TRMU: variants seen among roughly 807,000 people sequenced by gnomAD.
TRMU encodes mitochondrial tRNA-specific 2-thiouridylase 1.
Under a neutral mutation model 46.9 loss-of-function variants are expected in TRMU, and 49 were observed. The observed-to-expected ratio is 1.05, with a 90% CI of 0.83 to 1.33. TRMU has a LOEUF of 1.33. TRMU is among the 40% of genes most tolerant of loss of function. The pLI, the probability that TRMU is intolerant of heterozygous loss-of-function variation, is 0.00. For synonymous variants in TRMU, 241 were observed against 200.9 expected, an observed-to-expected ratio of 1.20 and a Z score of -1.69; for missense variants, 572 against 532.4, an observed-to-expected ratio of 1.07 and a Z score of -0.73.
In TRMU at chr22:46,335,811, A is replaced by G; in HGVS notation, c.47A>G (p.Asp16Gly). ...GTGTGCGCCCTGTCCGGCGGCGTGG[A>G]CAGCGCCGTGGCCGCGCTGCTGCTG... ...HVVCALSGGV[D>G]SAVAALLLRR... Residue 16 changes from aspartate to glycine, a missense_variant, in exon 1 of 11, where the codon GAC (aspartate) becomes GGC (glycine). Transcript: ENST00000645190. 2 of 1,559,896 alleles carry G rather than the reference A, an allele frequency of 1.3e-6. No individual in the cohort carries two copies. The highest frequency in any genetic ancestry group is 2.4e-5 in the East Asian group (1 of 41,986).
At position 46,353,790 on chromosome 22, in the gene TRMU, C is replaced by CAGAGAGCAAACATAGGTGGCCTG; in HGVS notation, c.804_826dup (p.Pro276GlnfsTer3). 1 of 1,613,940 alleles carries CAGAGAGCAAACATAGGTGGCCTG rather than the reference C, an allele frequency of 6.2e-7. No individual in the cohort carries two copies. The highest frequency in any genetic ancestry group is 8.5e-7 in the Non-Finnish European group (1 of 1,179,890). Reference sequence around the variant, plus strand: ...AGGTTGGTTCCTGTATACCTTGGGCCAGAGAGCAAACATAGGTGGCCTGAG... The same window carrying CAGAGAGCAAACATAGGTGGCCTG: ...AGGTTGGTTCCTGTATACCTTGGGCCAGAGAGCAAACATAGGTGGCCTGAGAGAGCAAACATAGGTGGCCTGAG... On this transcript the variant is annotated frameshift_variant, in exon 8 of 11. Transcript: ENST00000645190. LOFTEE classifies it high-confidence loss of function.
At position 46,336,121 on chromosome 22, in the gene TRMU, G is replaced by A. The variant is rs2077969488; in HGVS notation, c.82+275G>A. 5 of 1,352,764 alleles carry A rather than the reference G, an allele frequency of 3.7e-6. No homozygotes were observed. Among genetic ancestry groups the A allele is most frequent in the Non-Finnish European group, 4.7e-6 (5 of 1,053,948 alleles). The allele number at this position is 1,352,764 out of a possible 1,614,324, so 83.8% of individuals were successfully genotyped here. On this transcript the variant is annotated intron_variant, in intron 1 of 10. Transcript: ENST00000645190. The surrounding 1 kb of genome is among the most constrained non-coding windows in gnomAD (Gnocchi z 4.1). ...GCCCACCCACAGTGAGAAGCCGGCG[G>A]GCCGGGGTGGGGTGGGGAGGGAAGG...
chr22:46,343,437 T>C (rs1030574180), intron 3 of TRMU, 69 bp downstream of exon 3: 11 of 1,192,374 alleles, frequency 9.2e-6, no homozygotes, highest in Non-Finnish European at 1.3e-5. Context: ...CCAGGCTGGA[T>C]TGCAGTGGTG....
Position 46,348,967 on chromosome 22 carries a change from T to C in TRMU, c.479-1324T>C, listed in dbSNP as rs1168205760. On this transcript the variant is annotated intron_variant, in intron 4 of 10. Transcript: ENST00000645190. The surrounding 1 kb of genome is among the most constrained non-coding windows in gnomAD (Gnocchi z 4.8). ...GGCCAACATGGTGAAACCCCATCTCTACTACAAATACAAAAAAAAAAGTTA... is the reference window on the plus strand; with the variant it reads ...GGCCAACATGGTGAAACCCCATCTCCACTACAAATACAAAAAAAAAAGTTA... Among the ~76,000 whole-genome samples, 1 of 151,762 alleles carries C rather than the reference T, an allele frequency of 6.6e-6. No individual in the cohort carries two copies. The highest frequency in any genetic ancestry group is 2.4e-5 in the African/African-American group (1 of 41,286).
chr22:46,335,794 C>T lies in TRMU; in HGVS notation c.30C>T (p.Ala10=), dbSNP rs776692221. 1.2e-4 allele frequency: 185 copies of T among 1,562,306 alleles called. No individual in the cohort carries two copies. The highest frequency in any genetic ancestry group is 1.5e-4 in the Non-Finnish European group (174 of 1,158,972). The change falls in exon 1 of 11, where the codon GCC becomes GCT. Residue 10 remains alanine (A), a synonymous_variant. Coordinates refer to ENST00000645190, the MANE Select transcript of TRMU (RefSeq NM_018006.5). MQALRHVVC[A]LSGGVDSAVA... is the part of the protein sequence containing the mutation. The stretch of plus-strand genomic sequence containing the variant: ...AGGCCTTGCGGCACGTCGTGTGCGC[C>T]CTGTCCGGCGGCGTGGACAGCGCCG...
At position 46,349,756 on chromosome 22, in the gene TRMU, GTTTT is replaced by G. The variant is rs886602199; in HGVS notation, c.479-533_479-530del. Reference sequence around the variant, plus strand: ...CAGCTGAGACTCTCAACAAAAAAACGTTTTTACCAAGAAAGCTAATGCCTTCACA... The same window carrying G: ...CAGCTGAGACTCTCAACAAAAAAACGTACCAAGAAAGCTAATGCCTTCACA... On this transcript the variant is annotated intron_variant, in intron 4 of 10. Transcript: ENST00000645190. This position sits in a 1 kb window ranked among gnomAD's most constrained non-coding sequence, Gnocchi z 4.6. 2.0e-5 allele frequency among the ~76,000 whole-genome samples: 3 copies of G among 152,158 alleles called. No individual in the cohort carries two copies. The highest frequency in any genetic ancestry group is 1.3e-4 in the Admixed American group (2 of 15,280).
At chr22:46,354,153 G>C (rs962202281) in intron 8 of TRMU, 2 of 377,208 alleles carry the variant, frequency 5.3e-6, no homozygotes, top group Admixed American at 3.7e-5. Flanking sequence ...GCGACGCCCA[G>C]AGCTTGGGTG....
intron 9 of TRMU, 195 bp downstream of exon 9, chr22:46,355,783 C>T (rs2078585511): frequency 9.2e-7 from 1 of 1,081,958 alleles, no homozygotes; most frequent in Non-Finnish European, 1.4e-6. Flanking sequence ...GGAGCAGATG[C>T]AGGCAGGCCC....
In TRMU at chr22:46,347,197, C is replaced by T. The variant is rs1022394220; in HGVS notation, c.478+653C>T. On this transcript the variant is annotated intron_variant, in intron 4 of 10. Coordinates refer to ENST00000645190, the MANE Select transcript of TRMU (RefSeq NM_018006.5). This position sits in a 1 kb window ranked among gnomAD's most constrained non-coding sequence, Gnocchi z 5.0. ...CTCAGAGCCGTGTTTCCGCACGGAGCGTCCGTCCATCAGTGGGGACCCCTG... is the reference window on the plus strand; with the variant it reads ...CTCAGAGCCGTGTTTCCGCACGGAGTGTCCGTCCATCAGTGGGGACCCCTG... Among the ~76,000 whole-genome samples the T allele has an allele frequency of 2.0e-4, 30 of 151,982 alleles. No homozygotes were observed. The South Asian group carries it at 2.1e-3, about 11-fold the overall frequency.
chr22:46,343,172 A>G, intron 2 of TRMU, 90 bp from the exon 3 acceptor site: 1 of 880,806 alleles, frequency 1.1e-6, no homozygotes, highest in South Asian at 1.5e-5. Flanking sequence ...ACAAGGGGAA[A>G]TTACATTAAA....
intron 5 of TRMU, 109 bp from the exon 6 acceptor site, chr22:46,352,012 A>G: frequency 1.6e-6 from 2 of 1,279,380 alleles, no homozygotes; most frequent in African/African-American, 1.5e-5. Context: ...CCCTGGAAGC[A>G]AAGTGTGGGG....
In TRMU at chr22:46,351,490, T is replaced by C. The variant is rs2078422876; in HGVS notation, c.652-631T>C. ...TCCTGGTAATGGAAACGGCCATACC[T>C]TTCATCAGAGCCATCTTCCCTGAAG... On this transcript the variant is annotated intron_variant, in intron 5 of 10. Coordinates refer to ENST00000645190, the MANE Select transcript of TRMU (RefSeq NM_018006.5). This position sits in a 1 kb window ranked among gnomAD's most constrained non-coding sequence, Gnocchi z 6.4. Among the ~76,000 whole-genome samples the C allele has an allele frequency of 6.6e-6, 1 of 152,132 alleles. No individual in the cohort carries two copies. Among genetic ancestry groups the C allele is most frequent in the Admixed American group, 6.5e-5 (1 of 15,278 alleles).
chr22:46,345,157 A>G (rs1046338069), intron 3 of TRMU, among the ~76,000 whole-genome samples: 4 of 149,380 alleles, frequency 2.7e-5, no homozygotes, highest in African/African-American at 7.4e-5. Context: ...TGCAACCTCC[A>G]CCTCCTGAGT....
In TRMU at chr22:46,350,510, G is replaced by A. The variant is rs115364293; in HGVS notation, c.651+47G>A. The A allele has an allele frequency of 2.5e-3, 4,028 of 1,608,958 alleles. 86 individuals carry two copies. In the African/African-American group the frequency reaches 0.047, roughly 19 times the overall value. Reference sequence around the variant, plus strand: ...TGATTAGTGCCTGTTTCCCTTTCCCGACTGCATGGCACGGAGCAGCTGGAC... The same window carrying A: ...TGATTAGTGCCTGTTTCCCTTTCCCAACTGCATGGCACGGAGCAGCTGGAC... On this transcript the variant is annotated intron_variant, in intron 5 of 10. Coordinates refer to ENST00000645190, the MANE Select transcript of TRMU (RefSeq NM_018006.5). This position sits in a 1 kb window ranked among gnomAD's most constrained non-coding sequence, Gnocchi z 4.6.
At position 46,346,476 on chromosome 22, in the gene TRMU, A is replaced by G. The variant is rs150810911; in HGVS notation, c.410A>G (p.Glu137Gly). Residue 137 changes from glutamate to glycine, a missense_variant, in exon 4 of 11, where the codon GAA becomes GGA. Coordinates refer to ENST00000645190, the MANE Select transcript of TRMU (RefSeq NM_018006.5). ...GCAAGAACTTCCCTGGAAGATGAAG[A>G]AGTCTTTGAGCAGAAGCACGTTAAG... ...HYARTSLEDEEVFEQKHVKKP... is the reference protein window; with the variant it reads ...HYARTSLEDEGVFEQKHVKKP... The G allele has an allele frequency of 8.7e-6, 14 of 1,613,756 alleles. No individual in the cohort carries two copies. The highest frequency in any genetic ancestry group is 8.5e-6 in the Non-Finnish European group (10 of 1,179,712).
rs1398091034 is a variant in TRMU at position 46,343,135 on chromosome 22, T to G, written c.249-127T>G. 5 of 721,896 alleles carry G rather than the reference T, an allele frequency of 6.9e-6. No individual in the cohort carries two copies. The African/African-American group carries it at 7.2e-5, about 10-fold the overall frequency. 44.7% of individuals were successfully genotyped at this position (721,896 alleles called of 1,614,324 possible). A position where few individuals can be genotyped will look rare whatever the true frequency, so the allele number is the denominator to read the frequency against. On this transcript the variant is annotated intron_variant, in intron 2 of 10. Coordinates refer to ENST00000645190, the MANE Select transcript of TRMU (RefSeq NM_018006.5). ...TGTTCGATGACTGACGTTCTCCTGT[T>G]TTGCAGAAAATTATAGTTTTGGTAT...
rs879199415 is a variant in TRMU at position 46,350,096 on chromosome 22, GTT to G, written c.479-185_479-184del. On this transcript the variant is annotated intron_variant, in intron 4 of 10. Coordinates refer to ENST00000645190, the MANE Select transcript of TRMU (RefSeq NM_018006.5). The surrounding 1 kb of genome is among the most constrained non-coding windows in gnomAD (Gnocchi z 4.6). ...AATTTCTTTGTCATGTAAAATCCTT[GTT>G]TTTTTTTTTGGAGGTGCGAATTTTT... 1.5e-5 allele frequency among the ~76,000 whole-genome samples: 2 copies of G among 136,690 alleles called. No homozygotes were observed. Among genetic ancestry groups the G allele is most frequent in the Non-Finnish European group, 3.2e-5 (2 of 62,692 alleles). The allele number at this position is 136,690 out of a possible 152,430, so 89.7% of individuals were successfully genotyped here. A position where few individuals can be genotyped will look rare whatever the true frequency, so the allele number is the denominator to read the frequency against.
chr22:46,355,495 C>T lies in TRMU; in HGVS notation c.925C>T (p.Arg309Cys), dbSNP rs764958201. The stretch of plus-strand genomic sequence containing the variant: ...GTACAGGGACCTGCTGAGGACCAGC[C>T]GCGTGCACTGGATTGCGGAGGAGCC... ...ALYRDLLRTS[R>C]VHWIAEEPPA... The change falls in exon 9 of 11, where the codon CGC becomes TGC. Residue 309 changes from arginine to cysteine, a missense_variant. Arg to Cys is a radical substitution (Grantham distance 180). Transcript: ENST00000645190. 104 of 1,613,154 alleles carry T rather than the reference C, an allele frequency of 6.4e-5. No individual in the cohort carries two copies. The highest frequency in any genetic ancestry group is 2.5e-4 in the Admixed American group (15 of 60,004).
rs373642459 is a variant in TRMU, at chr22:46,355,973, C to T, written c.1019-17C>T. ...AAAGGCCTGTGCCCCCTCCAAGGGC[C>T]CCTCTCTTCTACCCAGTGCCCTGTG... On this transcript the variant is annotated splice_polypyrimidine_tract_variant and intron_variant, in intron 9 of 10. Coordinates refer to ENST00000645190, the MANE Select transcript of TRMU (RefSeq NM_018006.5). 1.2e-6 allele frequency: 2 copies of T among 1,613,544 alleles called. No individual in the cohort carries two copies. Among genetic ancestry groups the T allele is most frequent in the African/African-American group, 1.3e-5 (1 of 74,906 alleles).
Sources: allele counts gnomAD v4.1 joint callset (sites outside exome capture counted in the v4.1 genomes callset), GRCh38; gene constraint gnomAD v4.1.1; non-coding constraint Gnocchi (gnomAD v3.1); transcripts MANE v1.5; gene names NCBI Gene and HGNC (gene_info 2026-07-23, HGNC 2026-07-21).